SNED1: variants seen among roughly 807,000 people sequenced by gnomAD.
SNED1 encodes sushi, nidogen and EGF-like domain-containing protein 1.
Under a neutral mutation model 166.7 loss-of-function variants are expected in SNED1, and 81 were observed. That is an observed-to-expected ratio of 0.49 (90% CI 0.41 to 0.58). The LOEUF is 0.58. SNED1 is among the 20% of genes least tolerant of loss of function. The pLI is 0.00. For missense variants in SNED1, 1,604 were observed against 2,000.2 expected, an observed-to-expected ratio of 0.80 and a Z score of 3.78; for synonymous variants, 762 against 822.0, an observed-to-expected ratio of 0.93 and a Z score of 1.25.
At chr2:241,039,881 G>C (rs1034082918) in intron 6 of SNED1, among the ~76,000 whole-genome samples, 194 bp from the exon 7 acceptor site, 2 of 152,128 alleles carry the variant, frequency 1.3e-5, no homozygotes, top group Non-Finnish European at 2.9e-5. Flanking sequence ...TTCAGACAGA[G>C]CTTCGGGTGG....
intron 29 of SNED1, among the ~76,000 whole-genome samples, chr2:241,084,541 C>T (rs191746302): frequency 1.6e-4 from 24 of 152,280 alleles, no homozygotes; most frequent in Admixed American, 1.2e-3. Flanking sequence ...TCCATGGCAG[C>T]GGCTGACATC....
intron 4 of SNED1, 109 bp from the exon 5 acceptor site, chr2:241,036,681 G>T: frequency 6.8e-7 from 1 of 1,476,308 alleles, no homozygotes; most frequent in Non-Finnish European, 9.2e-7. Context: ...CGGGCACCCA[G>T]AGGCCGACCT....
chr2:241,024,221 T>TTTCAC (rs1355834219), intron 1 of SNED1, among the ~76,000 whole-genome samples: 27 of 148,204 alleles, frequency 1.8e-4, no homozygotes, highest in Admixed American at 1.7e-3. Flanking sequence ...TGTAGTTGTA[T>TTTCAC]TTCACTCTAC....
In SNED1 at chr2:241,093,633, T is replaced by TG. The variant is rs1296455688; in HGVS notation, c.*1998dup. 6.6e-6 allele frequency: 1 copy of TG among 152,044 alleles called. No homozygotes were observed. The highest frequency in any genetic ancestry group is 1.5e-5 in the Non-Finnish European group (1 of 68,042). 9.4% of individuals were successfully genotyped at this position (152,044 alleles called of 1,614,324 possible). ...TGCTCCAGTGTTAGCTTAGAAGCCT[T>TG]GTGTCAACAAGAACTGGCTCCTGAG... On this transcript the variant is annotated 3_prime_UTR_variant, in exon 32 of 32. Coordinates refer to ENST00000310397, the MANE Select transcript of SNED1 (RefSeq NM_001080437.3).
Position 241,091,623 on chromosome 2 carries a change from G to T in SNED1, c.*2-15G>T, listed in dbSNP as rs1268993462. ...TGTCATTCTCCTCATGCTTCACTTT[G>T]TTTTTTCTTCAAAGGATTTAAGACG... On this transcript the variant is annotated splice_polypyrimidine_tract_variant and intron_variant, in intron 31 of 31. Coordinates refer to ENST00000310397, the MANE Select transcript of SNED1 (RefSeq NM_001080437.3). The surrounding 1 kb of genome is among the most constrained non-coding windows in gnomAD (Gnocchi z 4.1). 2 of 152,194 alleles carry T rather than the reference G, an allele frequency of 1.3e-5. No homozygotes were observed. Among genetic ancestry groups the T allele is most frequent in the Non-Finnish European group, 2.9e-5 (2 of 68,032 alleles). 9.4% of individuals were successfully genotyped at this position (152,194 alleles called of 1,614,324 possible). A position where few individuals can be genotyped will look rare whatever the true frequency, so the allele number is the denominator to read the frequency against.
rs979631495 is a variant in SNED1 at position 241,073,701 on chromosome 2, C to A, written c.3916+337C>A. 4.4e-6 allele frequency: 2 copies of A among 454,758 alleles called. No homozygotes were observed. Among genetic ancestry groups the A allele is most frequent in the Middle Eastern group, 5.5e-4 (1 of 1,810 alleles). 28.2% of individuals were successfully genotyped at this position (454,758 alleles called of 1,614,324 possible). On this transcript the variant is annotated intron_variant, in intron 27 of 31. Coordinates refer to ENST00000310397, the MANE Select transcript of SNED1 (RefSeq NM_001080437.3). This position sits in a 1 kb window ranked among gnomAD's most constrained non-coding sequence, Gnocchi z 6.6. ...GCCCACCCCAGCCCCTGCCTCTGGG[C>A]CCCTCACCCCTCACTTCTCCAAAGA...
intron 8 of SNED1, among the ~76,000 whole-genome samples, chr2:241,044,882 A>T (rs1236192219): frequency 6.6e-6 from 1 of 152,176 alleles, no homozygotes; most frequent in Non-Finnish European, 1.5e-5. Flanking sequence ...TAAAAGCCGC[A>T]GCGTTTTTGC....
At chr2:240,998,502 G>A (rs146254386), upstream of SNED1, among the ~76,000 whole-genome samples, 12,728 of 152,160 alleles carry the variant, frequency 0.084, 662 homozygotes, top group Middle Eastern at 0.14. Flanking sequence ...AGCTCCCCGC[G>A]CGCCCGCGCC....
Position 241,051,896 on chromosome 2 carries a change from G to C in SNED1, c.1852+36G>C. 1 of 1,509,592 alleles carries C rather than the reference G, an allele frequency of 6.6e-7. No homozygotes were observed. The highest frequency in any genetic ancestry group is 8.9e-7 in the Non-Finnish European group (1 of 1,120,176). The allele number at this position is 1,509,592 out of a possible 1,614,324, so 93.5% of individuals were successfully genotyped here. A position where few individuals can be genotyped will look rare whatever the true frequency, so the allele number is the denominator to read the frequency against. ...CAGGGGCAGGGGGGAGGGCAGGAACGACGGGCCAGCCCTGAGCTGGGGCCC... is the reference window on the plus strand; with the variant it reads ...CAGGGGCAGGGGGGAGGGCAGGAACCACGGGCCAGCCCTGAGCTGGGGCCC... On this transcript the variant is annotated intron_variant, in intron 13 of 31. Coordinates refer to ENST00000310397, the MANE Select transcript of SNED1 (RefSeq NM_001080437.3). This position sits in a 1 kb window ranked among gnomAD's most constrained non-coding sequence, Gnocchi z 4.7.
At chr2:241,085,067 G>T (rs750026776) in intron 29 of SNED1, among the ~76,000 whole-genome samples, 1 of 151,522 alleles carries the variant, frequency 6.6e-6, no homozygotes, top group Non-Finnish European at 1.5e-5. Context: ...GACTGTTTTT[G>T]GACAATTTAA....
intron 30 of SNED1, 108 bp downstream of exon 30, chr2:241,087,583 G>C: frequency 6.9e-7 from 1 of 1,458,160 alleles, no homozygotes; most frequent in Non-Finnish European, 9.1e-7. Flanking sequence ...TGAGCCAGGC[G>C]GTCTACTCGC....
At position 241,019,321 on chromosome 2, in the gene SNED1, C is replaced by T. The variant is rs150117801; in HGVS notation, c.214-10963C>T. On this transcript the variant is annotated intron_variant, in intron 1 of 31. Coordinates refer to ENST00000310397, the MANE Select transcript of SNED1 (RefSeq NM_001080437.3). ...AGGGATCCTGGAATATCCATCAATA[C>T]GTGATTAGTGACCCATGGCTGAGTG... Among the ~76,000 whole-genome samples the T allele has an allele frequency of 1.6e-3, 243 of 152,286 alleles. 2 individuals are homozygous for T. Among genetic ancestry groups the T allele is most frequent in the African/African-American group, 5.3e-3 (219 of 41,564 alleles).
rs1210383226 is a variant in SNED1 at position 241,065,467 on chromosome 2, C to T, written c.2882C>T (p.Thr961Ile). 1 of 1,613,004 alleles carries T rather than the reference C, an allele frequency of 6.2e-7. No homozygotes were observed. The highest frequency in any genetic ancestry group is 8.5e-7 in the Non-Finnish European group (1 of 1,179,824). The change falls in exon 21 of 32, where the codon ACC becomes ATC. Residue 961 changes from threonine (T) to isoleucine (I), a missense_variant. By Grantham distance (89) the Thr-to-Ile change is moderately conservative. Coordinates refer to ENST00000310397, the MANE Select transcript of SNED1 (RefSeq NM_001080437.3). ...CGCCGCACAGACTTTGTGGACAGGA[C>T]CCGCTCCTCGCACCAGCTCCAGGCC... ...SYRRTDFVDR[T>I]RSSHQLQALA...
intron 1 of SNED1, among the ~76,000 whole-genome samples, chr2:241,001,583 G>A (rs1174591120): frequency 2.6e-5 from 4 of 152,386 alleles, no homozygotes; most frequent in East Asian, 1.9e-4. Context: ...GCTGAGGAGT[G>A]TGGCATGCTG....
In SNED1 at chr2:241,068,665, C is replaced by G. The variant is rs538021933; in HGVS notation, c.3195-246C>G. ...CCCAGCTGAACACCGGCCCTCTGAC[C>G]ATACTGTAGCAGCCCCAAGCGCACC... is the stretch of plus-strand genomic sequence containing the variant. On this transcript the variant is annotated intron_variant, in intron 22 of 31. Transcript: ENST00000310397. The surrounding 1 kb of genome is among the most constrained non-coding windows in gnomAD (Gnocchi z 5.3). Among the ~76,000 whole-genome samples the G allele has an allele frequency of 6.6e-6, 1 of 152,138 alleles. No homozygotes were observed. The highest frequency in any genetic ancestry group is 2.1e-4 in the South Asian group (1 of 4,812).
chr2:241,031,194 T>C (rs1230352352), intron 2 of SNED1, among the ~76,000 whole-genome samples: 1 of 152,132 alleles, frequency 6.6e-6, no homozygotes, highest in Non-Finnish European at 1.5e-5. Context: ...AGATGGCGTC[T>C]TGCTCTGTCG....
intron 16 of SNED1, among the ~76,000 whole-genome samples, chr2:241,057,696 T>C (rs189137232): frequency 6.6e-6 from 1 of 151,992 alleles, no homozygotes; most frequent in Non-Finnish European, 1.5e-5. Flanking sequence ...AAATTAAAAA[T>C]TAAGAAATAA....
At chr2:241,079,741 G>A (rs2063238176) in intron 27 of SNED1, among the ~76,000 whole-genome samples, 1 of 151,992 alleles carries the variant, frequency 6.6e-6, no homozygotes, top group Admixed American at 6.5e-5. Flanking sequence ...AACCACACAG[G>A]AAAAAAATAT....
intron 11 of SNED1, 75 bp from the exon 12 acceptor site, chr2:241,049,742 G>A: frequency 1.8e-6 from 2 of 1,114,884 alleles, no homozygotes; most frequent in Non-Finnish European, 2.7e-6. Flanking sequence ...TGGCAGGCAA[G>A]GTGCCCGCCA....
Sources: allele counts gnomAD v4.1 joint callset (sites outside exome capture counted in the v4.1 genomes callset), GRCh38; gene constraint gnomAD v4.1.1; non-coding constraint Gnocchi (gnomAD v3.1); transcripts MANE v1.5; gene names NCBI Gene and HGNC (gene_info 2026-07-23, HGNC 2026-07-21).